RAPGEF1: variants seen among roughly 807,000 people sequenced by gnomAD.
RAPGEF1 encodes the protein CRK SH3-binding GNRP.
A neutral mutation model predicts 143.3 loss-of-function variants in RAPGEF1; 33 were observed. That is an observed-to-expected ratio of 0.23 (90% confidence interval 0.17 to 0.31). The LOEUF is 0.31. Among genes scored for constraint, RAPGEF1 ranks in the 10% least tolerant of loss-of-function variants. RAPGEF1 has a pLI of 1.00. For synonymous variants in RAPGEF1, 629 were observed against 676.5 expected (o/e 0.93, Z 1.09); for missense variants, 1,199 against 1,645.4 (o/e 0.73, Z 4.69).
chr9:131,733,065 C>T (rs1837183830), intron 1 of RAPGEF1, among the ~76,000 whole-genome samples: 1 of 152,128 alleles, frequency 6.6e-6, no homozygotes, highest in Admixed American at 6.5e-5. Flanking sequence ...GTAGAGGCAG[C>T]TGTGAGAGCA....
intron 17 of RAPGEF1, among the ~76,000 whole-genome samples, chr9:131,594,048 G>C (rs533555218): frequency 6.6e-6 from 1 of 152,298 alleles, no homozygotes; most frequent in South Asian, 2.1e-4. Flanking sequence ...CGAGAGAGGA[G>C]GAGCCCAGGC....
intron 1 of RAPGEF1, among the ~76,000 whole-genome samples, chr9:131,725,655 T>C (rs1262574064): frequency 6.6e-6 from 1 of 152,136 alleles, no homozygotes; most frequent in African/African-American, 2.4e-5. Flanking sequence ...ACTTCCCTAA[T>C]GATCAGTGAT....
chr9:131,705,389 A>AAATT (rs1394324423), intron 1 of RAPGEF1, among the ~76,000 whole-genome samples: 2 of 152,200 alleles, frequency 1.3e-5, no homozygotes, highest in Admixed American at 1.3e-4. Context: ...CCATGGATGT[A>AAATT]AATTAAATAA....
chr9:131,605,575 G>A (rs1956991805), intron 12 of RAPGEF1, among the ~76,000 whole-genome samples: 1 of 152,186 alleles, frequency 6.6e-6, no homozygotes, highest in Non-Finnish European at 1.5e-5. Context: ...TTGAATTTCT[G>A]GATGAATCTC....
intron 4 of RAPGEF1, among the ~76,000 whole-genome samples, chr9:131,640,188 G>T (rs1967478800): frequency 6.6e-6 from 1 of 152,250 alleles, no homozygotes; most frequent in Admixed American, 6.5e-5. Flanking sequence ...GAGCTGATCT[G>T]ATCCTGCAGG....
intron 1 of RAPGEF1, among the ~76,000 whole-genome samples, chr9:131,687,546 A>G (rs1260930422): frequency 1.3e-5 from 2 of 152,154 alleles, no homozygotes; most frequent in African/African-American, 2.4e-5. Flanking sequence ...TCAACTGAGC[A>G]TGTTTTCCTT....
intron 1 of RAPGEF1, among the ~76,000 whole-genome samples, chr9:131,707,200 C>T (rs765152399): frequency 6.6e-6 from 1 of 152,214 alleles, no homozygotes; most frequent in Non-Finnish European, 1.5e-5. Context: ...AAGAGTACCG[C>T]ATCTTGGTCT....
At chr9:131,616,355 G>A (rs1350981380) in intron 12 of RAPGEF1, among the ~76,000 whole-genome samples, 4 of 152,158 alleles carry the variant, frequency 2.6e-5, no homozygotes, top group African/African-American at 4.8e-5. Context: ...TTCTGCGCAG[G>A]CTTCATGCCC....
intron 1 of RAPGEF1, among the ~76,000 whole-genome samples, chr9:131,732,045 C>G (rs777088674): frequency 6.6e-6 from 1 of 152,150 alleles, no homozygotes; most frequent in East Asian, 1.9e-4. Flanking sequence ...ACCTCCCCCC[C>G]TGTACCTTAG....
At chr9:131,634,168 G>A (rs1332978435) in intron 5 of RAPGEF1, among the ~76,000 whole-genome samples, 2 of 152,064 alleles carry the variant, frequency 1.3e-5, no homozygotes, top group Non-Finnish European at 2.9e-5. Flanking sequence ...CTGGAGGATT[G>A]CTTGAATCCA....
At chr9:131,710,047 T>C (rs928147283) in intron 1 of RAPGEF1, 12 of 672,736 alleles carry the variant, frequency 1.8e-5, no homozygotes, top group Non-Finnish European at 2.0e-5. Context: ...ATACTTTTAA[T>C]ACCACTTTTC....
At chr9:131,663,150 C>T (rs544692768) in intron 1 of RAPGEF1, among the ~76,000 whole-genome samples, 1 of 150,220 alleles carries the variant, frequency 6.7e-6, no homozygotes, top group Non-Finnish European at 1.5e-5. Context: ...TGAAAGAATA[C>T]TATGAAGCGA....
chr9:131,721,311 G>A (rs1214891785), intron 1 of RAPGEF1, among the ~76,000 whole-genome samples: 1 of 152,150 alleles, frequency 6.6e-6, no homozygotes, highest in African/African-American at 2.4e-5. Flanking sequence ...GGCAGAAGCC[G>A]GGAAGTGTGC....
chr9:131,688,720 C>A (rs951717974), intron 1 of RAPGEF1, among the ~76,000 whole-genome samples: 1 of 152,042 alleles, frequency 6.6e-6, no homozygotes, highest in Non-Finnish European at 1.5e-5. Flanking sequence ...CCAGCCTGGG[C>A]AACATGGCGA....
chr9:131,733,243 A>T (rs2131347038), intron 1 of RAPGEF1, among the ~76,000 whole-genome samples: 1 of 152,112 alleles, frequency 6.6e-6, no homozygotes, highest in Admixed American at 6.5e-5. Context: ...CGGGGCTTCA[A>T]ACCTAGATGA....
intron 10 of RAPGEF1, among the ~76,000 whole-genome samples, chr9:131,624,509 A>G (rs2031878): frequency 0.65 from 98,596 of 152,058 alleles, 33,226 homozygotes; most frequent in African/African-American, 0.85. Flanking sequence ...GAGGACCGCC[A>G]CCCACACTTG....
chr9:131,581,639 T>C (rs918842171), intron 25 of RAPGEF1, among the ~76,000 whole-genome samples: 1 of 149,902 alleles, frequency 6.7e-6, no homozygotes, highest in Non-Finnish European at 1.5e-5. Context: ...GAGGCAGAGA[T>C]TGCAGTGAGC....
Position 131,579,423 on chromosome 9 carries a change from G to A in RAPGEF1, c.*74C>T. 2.6e-6 allele frequency: 4 copies of A among 1,559,442 alleles called. No homozygotes were observed. Among genetic ancestry groups the A allele is most frequent in the Non-Finnish European group, 3.5e-6 (4 of 1,148,840 alleles). On this transcript the variant is annotated 3_prime_UTR_variant, in exon 27 of 27. Coordinates refer to ENST00000683357, the MANE Select transcript of RAPGEF1 (RefSeq NM_001377935.1). The stretch of plus-strand genomic sequence containing the variant: ...GGGACTCCTGCCATGCGCCTAACAG[G>A]TCCAAGGTCCTCTCCGGTCTGGGAG...
chr9:131,584,481 G>T lies in RAPGEF1; in HGVS notation c.3312+37C>A, dbSNP rs1213675311. ...GTCCCGGGCTCCCAGAGCAGGGACTGATGATGGGGGCCTGGGAAGGACTTG... is the reference window on the plus strand; with the variant it reads ...GTCCCGGGCTCCCAGAGCAGGGACTTATGATGGGGGCCTGGGAAGGACTTG... On this transcript the variant is annotated intron_variant, in intron 23 of 26. Coordinates refer to ENST00000683357, the MANE Select transcript of RAPGEF1 (RefSeq NM_001377935.1). This position sits in a 1 kb window ranked among gnomAD's most constrained non-coding sequence, Gnocchi z 6.8. 9 of 1,613,018 alleles carry T rather than the reference G, an allele frequency of 5.6e-6. No homozygotes were observed. The highest frequency in any genetic ancestry group is 6.8e-6 in the Non-Finnish European group (8 of 1,178,938).
Sources: allele counts gnomAD v4.1 joint callset (sites outside exome capture counted in the v4.1 genomes callset), GRCh38; gene constraint gnomAD v4.1.1; non-coding constraint Gnocchi (gnomAD v3.1); transcripts MANE v1.5; gene names NCBI Gene and HGNC (gene_info 2026-07-23, HGNC 2026-07-21).